The following SCFD2 variants were observed in gnomAD, a reference collection of about 807,000 sequenced individuals.
SCFD2 encodes the protein sec1 family domain-containing protein 2.
Under a neutral mutation model 58.9 loss-of-function variants are expected in SCFD2, and 54 were observed. That is an observed-to-expected ratio of 0.92 (90% CI 0.74 to 1.15). SCFD2 has a LOEUF of 1.15. Among genes scored for constraint, SCFD2 ranks in the 50% most tolerant of loss-of-function variants. SCFD2 has a pLI of 0.00. For missense variants in SCFD2, 805 were observed against 836.6 expected, an observed-to-expected ratio of 0.96 and a Z score of 0.47; for synonymous variants, 321 against 335.9, an observed-to-expected ratio of 0.96 and a Z score of 0.49.
At chr4:52,929,170 T>C (rs1189834327) in intron 5 of SCFD2, among the ~76,000 whole-genome samples, 2 of 152,132 alleles carry the variant, frequency 1.3e-5, no homozygotes, top group East Asian at 3.9e-4. Context: ...GAAGTTTGTG[T>C]TTATTATTCT....
chr4:53,069,511 C>T (rs540262127), intron 5 of SCFD2, among the ~76,000 whole-genome samples: 1 of 151,982 alleles, frequency 6.6e-6, no homozygotes, highest in South Asian at 2.1e-4. Flanking sequence ...TCACAGTAGT[C>T]AGTCATGGGG....
chr4:53,225,525 C>T (rs1729184171), intron 4 of SCFD2, among the ~76,000 whole-genome samples: 1 of 152,058 alleles, frequency 6.6e-6, no homozygotes. Flanking sequence ...AATACTTTTC[C>T]TATTTTGTTT....
intron 5 of SCFD2, among the ~76,000 whole-genome samples, chr4:53,140,111 T>G (rs1170870642): frequency 6.6e-6 from 1 of 151,688 alleles, no homozygotes; most frequent in Non-Finnish European, 1.5e-5. Context: ...CAGAGACCTT[T>G]GTTCACATGT....
chr4:53,177,881 A>G (rs1240624486), intron 4 of SCFD2, among the ~76,000 whole-genome samples: 2 of 152,166 alleles, frequency 1.3e-5, no homozygotes, highest in East Asian at 3.9e-4. Context: ...AGAGGGTCCT[A>G]CGCCCACAGA....
At chr4:53,274,593 A>G (rs1238164383) in intron 3 of SCFD2, among the ~76,000 whole-genome samples, 1 of 152,236 alleles carries the variant, frequency 6.6e-6, no homozygotes, top group Non-Finnish European at 1.5e-5. Context: ...TGTGGGGAAC[A>G]GCACATTTGC....
intron 5 of SCFD2, among the ~76,000 whole-genome samples, chr4:53,105,097 C>T (rs527557343): frequency 1.3e-5 from 2 of 152,226 alleles, no homozygotes; most frequent in East Asian, 3.9e-4. Context: ...GGGGAACTCC[C>T]TCCTCTAGCC....
chr4:53,273,638 AT>A (rs1194518321), intron 4 of SCFD2, 187 bp downstream of exon 4: 127 of 487,508 alleles, frequency 2.6e-4, no homozygotes, highest in Middle Eastern at 5.5e-4. Flanking sequence ...TACTGTCAAA[AT>A]TTTTTTTTAA....
chr4:53,320,851 TC>T (rs1476996743), intron 2 of SCFD2, among the ~76,000 whole-genome samples: 2 of 152,240 alleles, frequency 1.3e-5, no homozygotes, highest in African/African-American at 4.8e-5. Flanking sequence ...TTAAACAATT[TC>T]TTCCCTTTTT....
chr4:52,881,273 T>C (rs1339612201), intron 8 of SCFD2, among the ~76,000 whole-genome samples: 1 of 152,228 alleles, frequency 6.6e-6, no homozygotes, highest in Non-Finnish European at 1.5e-5. Flanking sequence ...ATTCTATTCA[T>C]TTCCTTTGAA....
At chr4:52,974,657 T>C (rs1245238513) in intron 5 of SCFD2, among the ~76,000 whole-genome samples, 1 of 151,952 alleles carries the variant, frequency 6.6e-6, no homozygotes, top group Non-Finnish European at 1.5e-5. Context: ...TTCACAGAAT[T>C]GGAAAAAACT....
chr4:53,259,254 T>C (rs1730753254), intron 4 of SCFD2, among the ~76,000 whole-genome samples: 2 of 152,364 alleles, frequency 1.3e-5, no homozygotes, highest in South Asian at 4.1e-4. Flanking sequence ...TTTGTTTTTG[T>C]TGCATTTGCT....
At chr4:53,147,115 T>C (rs1726354765) in intron 4 of SCFD2, among the ~76,000 whole-genome samples, 1 of 152,238 alleles carries the variant, frequency 6.6e-6, no homozygotes, top group Non-Finnish European at 1.5e-5. Context: ...ATTGTGCCAG[T>C]GCACTCTAGC....
intron 5 of SCFD2, among the ~76,000 whole-genome samples, chr4:53,035,661 C>T (rs570236483): frequency 5.3e-5 from 8 of 152,098 alleles, no homozygotes; most frequent in East Asian, 1.9e-4. Flanking sequence ...AAAAAGTGGG[C>T]GAAGGATATG....
intron 5 of SCFD2, among the ~76,000 whole-genome samples, chr4:53,054,727 C>CTT (rs1723277088): frequency 6.6e-6 from 1 of 151,934 alleles, no homozygotes; most frequent in Non-Finnish European, 1.5e-5. Flanking sequence ...ATCACAGCTG[C>CTT]TTAGCAGCCT....
At chr4:52,987,362 C>A (rs1721521299) in intron 5 of SCFD2, among the ~76,000 whole-genome samples, 1 of 152,208 alleles carries the variant, frequency 6.6e-6, no homozygotes, top group African/African-American at 2.4e-5. Flanking sequence ...TCCCTTTCTT[C>A]TTTTGTTGTA....
chr4:52,951,758 T>G (rs1055102408), intron 5 of SCFD2, among the ~76,000 whole-genome samples: 2 of 152,194 alleles, frequency 1.3e-5, no homozygotes, highest in African/African-American at 2.4e-5. Context: ...AGCTTTGAGC[T>G]GTCTGAGCCT....
intron 4 of SCFD2, among the ~76,000 whole-genome samples, chr4:53,175,481 T>C (rs970160535): frequency 1.3e-5 from 2 of 152,240 alleles, no homozygotes; most frequent in African/African-American, 4.8e-5. Context: ...TGAAATTTTT[T>C]CATTTCTTTA....
chr4:53,321,725 T>C (rs2149120026), intron 2 of SCFD2, among the ~76,000 whole-genome samples: 1 of 152,328 alleles, frequency 6.6e-6, no homozygotes, highest in South Asian at 2.1e-4. Context: ...ATAGTCATCT[T>C]TCCTCTTGAC....
At chr4:53,145,226 C>G (rs1314698211) in intron 5 of SCFD2, 107 bp downstream of exon 5, 2 of 1,372,502 alleles carry the variant, frequency 1.5e-6, no homozygotes, top group African/African-American at 2.9e-5. Context: ...AAATTCCAAA[C>G]AACTCCAGTG....
Sources: allele counts gnomAD v4.1 joint callset (sites outside exome capture counted in the v4.1 genomes callset), GRCh38; gene constraint gnomAD v4.1.1; transcripts MANE v1.5; gene names NCBI Gene and HGNC (gene_info 2026-07-23, HGNC 2026-07-21).